YY1AP1: variants seen among roughly 807,000 people sequenced by gnomAD.
The protein encoded by YY1AP1 is YY1 associated protein 1.
A neutral mutation model predicts 39.9 loss-of-function variants in YY1AP1; 43 were observed. The ratio of observed to expected loss-of-function variants is 1.08; its 90% confidence interval spans 0.84 to 1.39. The LOEUF is 1.39. Ranked by LOEUF, YY1AP1 falls within the 40% of genes most tolerant of loss-of-function variation. YY1AP1 has a pLI of 0.00. For missense variants in YY1AP1, 813 were observed against 900.7 expected (o/e 0.90, Z 1.25); for synonymous variants, 292 against 331.3 (o/e 0.88, Z 1.29).
chr1:155,678,061 T>A (rs1326396270), intron 4 of YY1AP1, among the ~76,000 whole-genome samples: 1 of 152,230 alleles, frequency 6.6e-6, no homozygotes, highest in African/African-American at 2.4e-5. Flanking sequence ...ACAGAATGTT[T>A]CAGTCAATAA....
chr1:155,687,946 C>T (rs1156954526), intron 2 of YY1AP1, 125 bp downstream of exon 2: 4 of 1,124,774 alleles, frequency 3.6e-6, no homozygotes, highest in South Asian at 1.7e-5. Flanking sequence ...CTCCCCTCCC[C>T]CATCTTCACC....
chr1:155,688,016 T>A, intron 2 of YY1AP1, 55 bp downstream of exon 2: 1 of 1,511,160 alleles, frequency 6.6e-7, no homozygotes, highest in East Asian at 2.3e-5. Flanking sequence ...AGCCCAGGAT[T>A]CAATCGCTGA....
intron 2 of YY1AP1, among the ~76,000 whole-genome samples, chr1:155,684,554 C>CT (rs1651953193): frequency 1.3e-5 from 2 of 150,660 alleles, no homozygotes; most frequent in African/African-American, 2.4e-5. Flanking sequence ...ATTAAAACAC[C>CT]TTTTTACATT....
chr1:155,660,017 A>G lies in YY1AP1; in HGVS notation c.1893T>C (p.Pro631=), dbSNP rs745361623. Residue 631 remains proline, a synonymous_variant, in exon 11 of 11, where the codon CCT becomes CCC. Coordinates refer to ENST00000355499, the MANE Select transcript of YY1AP1 (RefSeq NM_139119.3). ...CCACATTCATGTGGGCCTTATCTTCAGGGGTGGATGGTATAGGAAGATTCA... is the reference window on the plus strand; with the variant it reads ...CCACATTCATGTGGGCCTTATCTTCGGGGGTGGATGGTATAGGAAGATTCA... ...NSVNLPIPST[P]EDKAHMNVDI... is the part of the protein sequence containing the mutation. 2.4e-5 allele frequency: 38 copies of G among 1,614,064 alleles called. No individual in the cohort carries two copies. Among genetic ancestry groups the G allele is most frequent in the Non-Finnish European group, 3.2e-5 (38 of 1,180,044 alleles).
At chr1:155,675,230 G>A (rs1650469813) in intron 5 of YY1AP1, 134 bp from the exon 6 acceptor site, 2 of 712,014 alleles carry the variant, frequency 2.8e-6, no homozygotes, top group Non-Finnish European at 2.3e-6. Flanking sequence ...GTGCAACCAT[G>A]ACTCAATGCC....
chr1:155,660,530 TA>T lies in YY1AP1; in HGVS notation c.1379del (p.Leu460TyrfsTer52), dbSNP rs1483269061. 1 of 1,614,028 alleles carries T rather than the reference TA, an allele frequency of 6.2e-7. No individual in the cohort carries two copies. The highest frequency in any genetic ancestry group is 2.2e-5 in the East Asian group (1 of 44,900). ...GTGGAGGGACACCTGGAACTGTCTG[TA>T]AAACAGTGGCTGGCTGTATTGGGTG... ...IPHPIQPATV[L>X]QTVPGVPPLG... On this transcript the variant is annotated frameshift_variant, in exon 11 of 11. Coordinates refer to ENST00000355499, the MANE Select transcript of YY1AP1 (RefSeq NM_139119.3). LOFTEE classifies it low-confidence loss of function (END_TRUNC).
Position 155,673,978 on chromosome 1 carries a change from G to A in YY1AP1, c.411+1032C>T, listed in dbSNP as rs1326677695. 7.9e-5 allele frequency among the ~76,000 whole-genome samples: 12 copies of A among 151,970 alleles called. No homozygotes were observed. The South Asian group carries it at 1.0e-3, about 13-fold the overall frequency. On this transcript the variant is annotated intron_variant, in intron 6 of 10. Transcript: ENST00000355499. ...AGATCGAGACCATCCCGGCTAAAAC[G>A]GTGAAACCCCGTCTCTACTAAAAAT... is the stretch of plus-strand genomic sequence containing the variant.
chr1:155,675,953 G>C (rs773333594), intron 5 of YY1AP1, among the ~76,000 whole-genome samples: 5 of 152,206 alleles, frequency 3.3e-5, no homozygotes, highest in Non-Finnish European at 7.3e-5. Flanking sequence ...GCCGGGCGCA[G>C]TGACTCACGC....
intron 2 of YY1AP1, among the ~76,000 whole-genome samples, chr1:155,686,150 T>C (rs1652238414): frequency 6.8e-6 from 1 of 146,668 alleles, no homozygotes; most frequent in East Asian, 2.2e-4. Flanking sequence ...TTCTCCTGCC[T>C]CAGCCTCCCC....
At chr1:155,682,185 G>T (rs577026316) in intron 2 of YY1AP1, among the ~76,000 whole-genome samples, 1 of 152,034 alleles carries the variant, frequency 6.6e-6, no homozygotes, top group Non-Finnish European at 1.5e-5. Flanking sequence ...ATTCAAAGTC[G>T]AAATGATTAT....
chr1:155,679,346 GA>G (rs761228444), intron 4 of YY1AP1, 62 bp downstream of exon 4: 1 of 1,611,148 alleles, frequency 6.2e-7, no homozygotes, highest in Non-Finnish European at 8.5e-7. Flanking sequence ...TGCAACTTCT[GA>G]AAACCTTTTC....
chr1:155,688,228 G>C (rs775883107), intron 1 of YY1AP1, 27 bp from the exon 2 acceptor site: 2 of 1,613,136 alleles, frequency 1.2e-6, no homozygotes, highest in Non-Finnish European at 1.7e-6. Flanking sequence ...AGAGGAGAAG[G>C]GAAAGGTGGA....
At chr1:155,681,297 T>A (rs1273022652) in intron 2 of YY1AP1, among the ~76,000 whole-genome samples, 1 of 152,160 alleles carries the variant, frequency 6.6e-6, no homozygotes, top group African/African-American at 2.4e-5. Flanking sequence ...CCCAAAGTGC[T>A]GGGATTACAG....
chr1:155,659,728 G>A lies in YY1AP1; in HGVS notation c.2182C>T (p.Pro728Ser). Residue 728 changes from proline (P) to serine (S), a missense_variant, in exon 11 of 11, where the codon CCT becomes TCT. Pro to Ser is a moderately conservative substitution (Grantham distance 74). This residue lies in a region of YY1AP1 where 586 missense variants were observed against 647.4 expected (regional missense o/e 0.91). Coordinates refer to ENST00000355499, the MANE Select transcript of YY1AP1 (RefSeq NM_139119.3). Reference sequence around the variant, plus strand: ...TTGACAACTTCCTCTAAATCCCCAGGGGAAGAGTTGTTTAGAGACTCCTGG... The same window carrying A: ...TTGACAACTTCCTCTAAATCCCCAGAGGAAGAGTTGTTTAGAGACTCCTGG... ...GIQESLNNSS[P>S]GDLEEVVKME... 2 of 1,614,160 alleles carry A rather than the reference G, an allele frequency of 1.2e-6. No individual in the cohort carries two copies. Among genetic ancestry groups the A allele is most frequent in the Non-Finnish European group, 1.7e-6 (2 of 1,180,036 alleles).
rs775120585 is a variant in YY1AP1 at position 155,660,802 on chromosome 1, C to A, written c.1108G>T (p.Asp370Tyr). 2.5e-5 allele frequency: 41 copies of A among 1,614,092 alleles called. No individual in the cohort carries two copies. Among genetic ancestry groups the A allele is most frequent in the Middle Eastern group, 1.6e-4 (1 of 6,084 alleles). ...EINSDQGLEK[D>Y]NSELGSETRY... ...GTTTCACTCCCCAACTCTGAGTTGT[C>A]TTTTTCTAGGCCTTGATCTGAGTTG... The change falls in exon 11 of 11, where the codon GAC becomes TAC. Residue 370 changes from aspartate to tyrosine, a missense_variant. Physicochemically the swap from Asp to Tyr is radical, Grantham distance 160 (BLOSUM62 -3). Around this residue, in one of 3 missense-constraint regions of YY1AP1, gnomAD observed 586 missense variants for 647.4 expected, o/e 0.91. Coordinates refer to ENST00000355499, the MANE Select transcript of YY1AP1 (RefSeq NM_139119.3).
Position 155,680,507 on chromosome 1 carries a change from T to C in YY1AP1, c.-20-51A>G, listed in dbSNP as rs766828820. 29 of 1,477,456 alleles carry C rather than the reference T, an allele frequency of 2.0e-5. No homozygotes were observed. In the East Asian group the frequency reaches 5.4e-4, roughly 28 times the overall value. The allele number at this position is 1,477,456 out of a possible 1,614,324, so 91.5% of individuals were successfully genotyped here. A position where few individuals can be genotyped will look rare whatever the true frequency, so the allele number is the denominator to read the frequency against. ...TATAAATTAGATTCATTTTACAATA[T>C]GGAGGAATTCCATGTAGACAATGTA... On this transcript the variant is annotated intron_variant, in intron 2 of 10. Coordinates refer to ENST00000355499, the MANE Select transcript of YY1AP1 (RefSeq NM_139119.3).
At chr1:155,668,025 G>A (rs1649300559) in intron 9 of YY1AP1, among the ~76,000 whole-genome samples, 1 of 151,938 alleles carries the variant, frequency 6.6e-6, no homozygotes, top group African/African-American at 2.4e-5. Context: ...TATATAGGCT[G>A]GGCACGGTGG....
chr1:155,687,854 C>A, intron 2 of YY1AP1: 1 of 528,796 alleles, frequency 1.9e-6, no homozygotes, highest in Non-Finnish European at 3.3e-6. Context: ...TCCCAGCCCC[C>A]TCCGGGAGTC....
chr1:155,665,745 C>G (rs1475984508), intron 9 of YY1AP1, among the ~76,000 whole-genome samples: 2 of 136,738 alleles, frequency 1.5e-5, no homozygotes, highest in East Asian at 4.2e-4. Context: ...TGCAGTGAGC[C>G]GAGATCCAGC....
Sources: gnomAD v4.1 joint callset for allele counts (sites outside exome capture counted in the v4.1 genomes callset) on GRCh38, gnomAD v4.1.1 for gene constraint, gnomAD v4.1.1 regional missense constraint, MANE v1.5 for transcripts, NCBI Gene and HGNC (gene_info 2026-07-23, HGNC 2026-07-21) for gene names.